The following PRELID2 variants were observed in gnomAD, a reference collection of about 807,000 sequenced individuals.
PRELID2 encodes the protein PRELI domain-containing protein 2.
Under a neutral mutation model 28.4 loss-of-function variants are expected in PRELID2, and 25 were observed. The observed-to-expected ratio is 0.88, with a 90% CI of 0.64 to 1.23. The LOEUF is 1.23. PRELID2 is among the 50% of genes most tolerant of loss of function. The probability of loss-of-function intolerance (pLI) is 0.00; values close to 1 mark genes in which losing one functional copy is unlikely to be tolerated. For missense variants in PRELID2, 201 were observed against 214.4 expected (o/e 0.94, Z 0.39); for synonymous variants, 76 against 71.6 (o/e 1.06, Z -0.31).
intron 1 of PRELID2, among the ~76,000 whole-genome samples, chr5:145,716,566 G>A (rs1755849590): frequency 6.6e-6 from 1 of 152,086 alleles, no homozygotes; most frequent in Non-Finnish European, 1.5e-5. Flanking sequence ...GGCAATCTAT[G>A]ATACCATCAT....
At chr5:145,735,583 A>G (rs1456638179) in intron 1 of PRELID2, among the ~76,000 whole-genome samples, 1 of 152,234 alleles carries the variant, frequency 6.6e-6, no homozygotes, top group Non-Finnish European at 1.5e-5. Flanking sequence ...AAAGACATTT[A>G]TCTTTGGTGT....
chr5:145,801,385 C>CTACT (rs1753130445), intron 4 of PRELID2, among the ~76,000 whole-genome samples: 1 of 152,134 alleles, frequency 6.6e-6, no homozygotes, highest in South Asian at 2.1e-4. Context: ...CCACCCTGTA[C>CTACT]TTGAAGTACA....
At chr5:145,399,904 G>A in the PRELID2 span, among the ~76,000 whole-genome samples, 1 of 152,082 alleles carries the variant, frequency 6.6e-6, no homozygotes, top group Non-Finnish European at 1.5e-5. Context: ...CTTTTTCACT[G>A]TAACAGAACA....
chr5:145,314,699 A>AT, the PRELID2 span, among the ~76,000 whole-genome samples: 1 of 151,982 alleles, frequency 6.6e-6, no homozygotes, highest in East Asian at 1.9e-4. Context: ...TTTCTGTATC[A>AT]TTTCAAAGTA....
the PRELID2 span, chr5:145,441,152 T>C: frequency 6.6e-6 from 1 of 152,092 alleles, no homozygotes; most frequent in African/African-American, 2.4e-5. Context: ...GCCTAGTTGT[T>C]CTTTGACTCA....
At chr5:145,418,954 C>A in the PRELID2 span, among the ~76,000 whole-genome samples, 1 of 149,844 alleles carries the variant, frequency 6.7e-6, no homozygotes, top group Non-Finnish European at 1.5e-5. Context: ...TGTTCAATTC[C>A]CACCTATGAG....
chr5:145,589,495 G>C (rs1753198614), intron 1 of PRELID2, among the ~76,000 whole-genome samples: 1 of 151,854 alleles, frequency 6.6e-6, no homozygotes, highest in Admixed American at 6.6e-5. Flanking sequence ...ATCATAACAG[G>C]CATAAGTCAC....
At chr5:145,294,537 T>C in the PRELID2 span, among the ~76,000 whole-genome samples, 2 of 152,162 alleles carry the variant, frequency 1.3e-5, no homozygotes, top group African/African-American at 4.8e-5. Flanking sequence ...TTACATCACT[T>C]TGACAATTTC....
chr5:145,712,183 C>T (rs2149710701), intron 1 of PRELID2, among the ~76,000 whole-genome samples: 1 of 152,294 alleles, frequency 6.6e-6, no homozygotes, highest in South Asian at 2.1e-4. Context: ...TTTTGTGAGT[C>T]AATGTTAAAT....
At chr5:145,774,919 A>T (rs1758320374) in intron 5 of PRELID2, among the ~76,000 whole-genome samples, 1 of 152,198 alleles carries the variant, frequency 6.6e-6, no homozygotes. Context: ...CGGTTAAAAA[A>T]GGTGACCAAA....
At chr5:145,672,370 G>A (rs1470777833) in intron 1 of PRELID2, among the ~76,000 whole-genome samples, 1 of 151,974 alleles carries the variant, frequency 6.6e-6, no homozygotes, top group Non-Finnish European at 1.5e-5. Flanking sequence ...CCTCCATCTT[G>A]GGAATCAACA....
chr5:145,637,805 C>A (rs1221886744), intron 1 of PRELID2, among the ~76,000 whole-genome samples: 4 of 148,042 alleles, frequency 2.7e-5, no homozygotes, highest in African/African-American at 7.8e-5. Flanking sequence ...AAACACAAAA[C>A]CATTCTTTTT....
At chr5:145,677,867 A>G (rs1437835533) in intron 1 of PRELID2, among the ~76,000 whole-genome samples, 1 of 152,120 alleles carries the variant, frequency 6.6e-6, no homozygotes, top group Non-Finnish European at 1.5e-5. Context: ...TAATCCCAGC[A>G]CTTTGGGAGG....
intron 1 of PRELID2, among the ~76,000 whole-genome samples, chr5:145,564,865 A>G (rs1752952547): frequency 6.6e-6 from 1 of 152,142 alleles, no homozygotes; most frequent in Non-Finnish European, 1.5e-5. Context: ...GCTTCAGGAG[A>G]CTTCCATTAT....
At chr5:145,541,462 A>G (rs1446302915) in intron 1 of PRELID2, among the ~76,000 whole-genome samples, 1 of 152,062 alleles carries the variant, frequency 6.6e-6, no homozygotes, top group African/African-American at 2.4e-5. Flanking sequence ...TGGGATTTAA[A>G]CCCAGGCTAC....
At chr5:145,372,676 T>C in the PRELID2 span, among the ~76,000 whole-genome samples, 1 of 151,524 alleles carries the variant, frequency 6.6e-6, no homozygotes, top group African/African-American at 2.4e-5. Context: ...AACCCCTGCT[T>C]CCTTTTGCTT....
chr5:145,530,114 G>T (rs1315241230), intron 1 of PRELID2, among the ~76,000 whole-genome samples: 2 of 152,020 alleles, frequency 1.3e-5, no homozygotes, highest in African/African-American at 4.8e-5. Flanking sequence ...AGAAAGCCGG[G>T]GCTTGCCGCA....
the PRELID2 span, among the ~76,000 whole-genome samples, chr5:145,463,979 T>C: frequency 6.6e-6 from 1 of 152,154 alleles, no homozygotes; most frequent in Non-Finnish European, 1.5e-5. Context: ...TACAAGAGGA[T>C]TATGGGTAGA....
intron 1 of PRELID2, among the ~76,000 whole-genome samples, chr5:145,654,950 A>C (rs1754367707): frequency 6.6e-6 from 1 of 152,116 alleles, no homozygotes; most frequent in Non-Finnish European, 1.5e-5. Flanking sequence ...GAAAAGAGGA[A>C]GTCAAATTGT....
Sources: gnomAD v4.1 joint callset for allele counts (sites outside exome capture counted in the v4.1 genomes callset) on GRCh38, gnomAD v4.1.1 for gene constraint, MANE v1.5 for transcripts, NCBI Gene and HGNC (gene_info 2026-07-23, HGNC 2026-07-21) for gene names.